Variants in DNAH10 observed in about 807,000 individuals in gnomAD.
DNAH10 encodes axonemal beta dynein heavy chain 10.
In DNAH10, 348 loss-of-function variants were observed where a neutral mutation model predicts 506.6. The ratio of observed to expected loss-of-function variants is 0.69; its 90% CI spans 0.63 to 0.75. The LOEUF is 0.75. DNAH10 is among the 30% of genes least tolerant of loss of function. DNAH10 has a pLI of 0.00. For synonymous variants in DNAH10, 2,059 were observed against 2,198.6 expected, an observed-to-expected ratio of 0.94 and a Z score of 1.78; for missense variants, 5,179 against 5,787.1, an observed-to-expected ratio of 0.89 and a Z score of 3.41.
intron 52 of DNAH10, among the ~76,000 whole-genome samples, chr12:123,888,275 C>T (rs1952828324): frequency 6.6e-6 from 1 of 152,172 alleles, no homozygotes; most frequent in African/African-American, 2.4e-5. Flanking sequence ...CCATTAACAT[C>T]CTCATTTCAC....
rs1951268358 is a variant in DNAH10 at position 123,853,805 on chromosome 12, A to G, written c.6438+453A>G. 6.6e-6 allele frequency among the ~76,000 whole-genome samples: 1 copy of G among 152,118 alleles called. No homozygotes were observed. Among genetic ancestry groups the G allele is most frequent in the Admixed American group, 6.6e-5 (1 of 15,264 alleles). ...CCTGTTTCTCTAGTGACTGTACTCA[A>G]TGTTGCACGCACACACGCACGCACA... On this transcript the variant is annotated intron_variant, in intron 36 of 78. Transcript: ENST00000673944. The surrounding 1 kb of genome is among the most constrained non-coding windows in gnomAD (Gnocchi z 4.7).
intron 73 of DNAH10, 25 bp from the exon 74 acceptor site, chr12:123,931,316 C>T (rs748886673): frequency 1.9e-6 from 3 of 1,612,096 alleles, no homozygotes; most frequent in South Asian, 2.2e-5. Context: ...GACAGTGCCA[C>T]CTCCGTTGTT....
rs1955023269 is a variant in DNAH10 at position 123,928,042 on chromosome 12, G to C, written c.12106-345G>C. The C allele has an allele frequency of 2.7e-6, 1 of 374,198 alleles. No individual in the cohort carries two copies. The highest frequency in any genetic ancestry group is 2.1e-5 in the African/African-American group (1 of 48,740). 23.2% of individuals were successfully genotyped at this position (374,198 alleles called of 1,614,324 possible). On this transcript the variant is annotated intron_variant, in intron 69 of 78. Transcript: ENST00000673944. The surrounding 1 kb of genome is among the most constrained non-coding windows in gnomAD (Gnocchi z 4.9). ...TGGCCAGGACAGTCCCGACTTCCTG[G>C]TGGGCTTTAGCTGGTCTCTTGCAGC...
At chr12:123,893,051 C>A (rs950478568) in intron 52 of DNAH10, among the ~76,000 whole-genome samples, 182 bp from the exon 53 acceptor site, 11 of 152,346 alleles carry the variant, frequency 7.2e-5, no homozygotes, top group African/African-American at 2.4e-4. Flanking sequence ...CAGACAGGAG[C>A]TGGAGGCTCT....
intron 13 of DNAH10, 68 bp from the exon 14 acceptor site, chr12:123,799,178 C>A: frequency 3.7e-6 from 4 of 1,088,110 alleles, no homozygotes; most frequent in Non-Finnish European, 2.5e-6. Flanking sequence ...TATAAATTAT[C>A]TGTGTAGAGC....
rs1301237416 is a variant in DNAH10 at position 123,875,503 on chromosome 12, T to A, written c.8199+12T>A. 1 of 1,613,024 alleles carries A rather than the reference T, an allele frequency of 6.2e-7. No homozygotes were observed. Among genetic ancestry groups the A allele is most frequent in the African/African-American group, 1.3e-5 (1 of 74,992 alleles). The stretch of plus-strand genomic sequence containing the variant: ...AAGGCCACACCTCGGTAACTTGATT[T>A]TAACTAGAAGTCTAAACCGGAAGAC... On this transcript the variant is annotated intron_variant, in intron 47 of 78. Transcript: ENST00000673944.
chr12:123,881,632 T>C lies in DNAH10; in HGVS notation c.8642T>C (p.Leu2881Pro), dbSNP rs1194980147. ...EAAKALFQEILEEYNESNTKM... is the reference protein window; with the variant it reads ...EAAKALFQEIPEEYNESNTKM... ...TTTTTTTTTTAAATGCAGGAAATTC[T>C]TGAAGAGTATAATGAAAGCAACACC... is the stretch of plus-strand genomic sequence containing the variant. Residue 2881 changes from leucine to proline, a missense_variant, in exon 51 of 79, where the codon CTT becomes CCT. Leu to Pro is a moderately conservative substitution (Grantham distance 98). Coordinates refer to ENST00000673944, the MANE Select transcript of DNAH10 (RefSeq NM_001372106.1). 2 of 1,524,188 alleles carry C rather than the reference T, an allele frequency of 1.3e-6. No individual in the cohort carries two copies. Among genetic ancestry groups the C allele is most frequent in the Non-Finnish European group, 1.8e-6 (2 of 1,139,222 alleles). 94.4% of individuals were successfully genotyped at this position (1,524,188 alleles called of 1,614,324 possible).
intron 54 of DNAH10, among the ~76,000 whole-genome samples, chr12:123,897,461 C>T (rs1017602559): frequency 6.6e-6 from 1 of 152,216 alleles, no homozygotes; most frequent in Non-Finnish European, 1.5e-5. Context: ...CGGTGAGTCA[C>T]GCCTGTAATC....
chr12:123,873,822 C>T, intron 46 of DNAH10, 112 bp downstream of exon 46: 1 of 1,383,156 alleles, frequency 7.2e-7, no homozygotes, highest in Non-Finnish European at 9.6e-7. Flanking sequence ...TACCTCTGTG[C>T]AATGTCTGCA....
chr12:123,840,138 C>G (rs1594161307), intron 29 of DNAH10, among the ~76,000 whole-genome samples: 1 of 151,814 alleles, frequency 6.6e-6, no homozygotes, highest in African/African-American at 2.4e-5. Flanking sequence ...CAGTAGCACC[C>G]CCTCCCTAGT....
At chr12:123,931,595 C>T (rs749175953) in intron 74 of DNAH10, 41 bp from the exon 75 acceptor site, 78 of 1,609,846 alleles carry the variant, frequency 4.8e-5, no homozygotes, top group East Asian at 2.9e-4. Flanking sequence ...CGGTTCTGCA[C>T]GTGGATGCCT....
Position 123,771,636 on chromosome 12 carries a change from C to T in DNAH10, c.334C>T (p.Gln112Ter). 3.7e-6 allele frequency: 6 copies of T among 1,613,688 alleles called. No homozygotes were observed. Among genetic ancestry groups the T allele is most frequent in the Non-Finnish European group, 5.1e-6 (6 of 1,179,784 alleles). Residue 112 changes from glutamine (Q) to a stop codon, truncating the protein, a stop_gained, in exon 3 of 79, where the codon CAA becomes TAA. Transcript: ENST00000673944. LOFTEE classifies it high-confidence loss of function. ...GTCACTGAGAACCGAATCTCTAGGC[C>T]AACCTCTAAACAGAGAGGATGAAGA... is the stretch of plus-strand genomic sequence containing the variant. ...RVSLRTESLG[Q>*]PLNREDEEMD...
At chr12:123,884,482 C>T (rs573335450) in intron 51 of DNAH10, among the ~76,000 whole-genome samples, 12 of 152,308 alleles carry the variant, frequency 7.9e-5, no homozygotes, top group South Asian at 2.1e-4. Flanking sequence ...CCAGCATGGT[C>T]GGGCTCCAGA....
chr12:123,831,297 TG>T (rs1251341378), intron 26 of DNAH10, among the ~76,000 whole-genome samples: 10 of 151,556 alleles, frequency 6.6e-5, no homozygotes, highest in African/African-American at 2.5e-4. Flanking sequence ...TACTCATATA[TG>T]TGCACATACA....
Position 123,829,569 on chromosome 12 carries a change from A to G in DNAH10, c.4392-977A>G, listed in dbSNP as rs80340752. 9.5e-3 allele frequency among the ~76,000 whole-genome samples: 1,445 copies of G among 152,334 alleles called. 14 individuals are homozygous for G. Among genetic ancestry groups the G allele is most frequent in the African/African-American group, 0.031 (1,302 of 41,568 alleles). On this transcript the variant is annotated intron_variant, in intron 25 of 78. Transcript: ENST00000673944. ...GGAAAAAAATAAAAAGCAAGTGACC[A>G]TAAGCCACAGAGCAGGCACTGATGA...
chr12:123,912,615 G>T (rs1954276312), intron 59 of DNAH10, among the ~76,000 whole-genome samples: 1 of 152,100 alleles, frequency 6.6e-6, no homozygotes, highest in South Asian at 2.1e-4. Context: ...AGTACCAAAC[G>T]TCCCCTGGGG....
At chr12:123,864,788 A>G (rs1363866846) in intron 40 of DNAH10, 58 bp downstream of exon 40, 3 of 1,541,130 alleles carry the variant, frequency 1.9e-6, no homozygotes, top group Admixed American at 2.1e-5. Context: ...TAAAAATGCA[A>G]ATGTTTGTTA....
chr12:123,923,654 C>T lies in DNAH10; in HGVS notation c.11507-109C>T, dbSNP rs999101059. 47 of 673,532 alleles carry T rather than the reference C, an allele frequency of 7.0e-5. No individual in the cohort carries two copies. In the African/African-American group the frequency reaches 8.1e-4, roughly 12 times the overall value. 41.7% of individuals were successfully genotyped at this position (673,532 alleles called of 1,614,324 possible). The stretch of plus-strand genomic sequence containing the variant: ...GCAAAGAGGGGTAAATGCAGCCATA[C>T]AGTTCGAGTGTTTCATTTATCTTAC... On this transcript the variant is annotated intron_variant, in intron 65 of 78. Coordinates refer to ENST00000673944, the MANE Select transcript of DNAH10 (RefSeq NM_001372106.1).
In DNAH10 at chr12:123,838,703, G is replaced by T. The variant is rs1165586273; in HGVS notation, c.5136+14G>T. The T allele has an allele frequency of 6.2e-7, 1 of 1,609,154 alleles. No homozygotes were observed. The highest frequency in any genetic ancestry group is 1.7e-5 in the Admixed American group (1 of 59,970). On this transcript the variant is annotated intron_variant, in intron 29 of 78. Transcript: ENST00000673944. ...CACATGATCAAGGTCAGCCCTCTGG[G>T]TGTGCAGGGGCTCCCCGTGTAAGCC...
Sources: gnomAD v4.1 joint callset for allele counts (sites outside exome capture counted in the v4.1 genomes callset) on GRCh38, gnomAD v4.1.1 for gene constraint, Gnocchi (gnomAD v3.1) non-coding constraint, MANE v1.5 for transcripts, NCBI Gene and HGNC (gene_info 2026-07-23, HGNC 2026-07-21) for gene names.